COL5A2: variants seen among roughly 807,000 people sequenced by gnomAD.
The protein encoded by COL5A2 is collagen type V alpha 2 chain, also known as collagen alpha-2(V) chain.
Under a neutral mutation model 208.2 loss-of-function variants are expected in COL5A2, and 23 were observed. That is an observed-to-expected ratio of 0.11 (90% confidence interval 0.08 to 0.16). COL5A2 has a LOEUF of 0.16. COL5A2 is among the 10% of genes least tolerant of loss of function. The pLI is 1.00. For synonymous variants in COL5A2, 625 were observed against 628.5 expected (o/e 0.99, Z 0.08); for missense variants, 1,590 against 1,956.4 (o/e 0.81, Z 3.53).
At chr2:189,136,856 G>A (rs1160020328) in intron 1 of COL5A2, among the ~76,000 whole-genome samples, 1 of 152,014 alleles carries the variant, frequency 6.6e-6, no homozygotes, top group Non-Finnish European at 1.5e-5. Flanking sequence ...GGTTCAGTTA[G>A]TAAAACATGG....
At chr2:189,147,315 A>T (rs1341297008) in intron 1 of COL5A2, among the ~76,000 whole-genome samples, 2 of 152,146 alleles carry the variant, frequency 1.3e-5, no homozygotes, top group Non-Finnish European at 2.9e-5. Flanking sequence ...AAGACATATG[A>T]CCTACCAGTA....
At chr2:189,325,593 T>C in the COL5A2 span, among the ~76,000 whole-genome samples, 1 of 152,092 alleles carries the variant, frequency 6.6e-6, no homozygotes, top group Non-Finnish European at 1.5e-5. Flanking sequence ...GTGTGTGTAA[T>C]CTGCAGTGAT....
intron 1 of COL5A2, among the ~76,000 whole-genome samples, chr2:189,152,187 T>C (rs2105788709): frequency 6.6e-6 from 1 of 152,298 alleles, no homozygotes; most frequent in African/African-American, 2.4e-5. Flanking sequence ...TTTACATTTT[T>C]TAGATATGGA....
intron 35 of COL5A2, among the ~76,000 whole-genome samples, chr2:189,055,524 G>A (rs936624793): frequency 3.3e-5 from 5 of 152,106 alleles, no homozygotes; most frequent in Admixed American, 2.0e-4. Flanking sequence ...AAGAACATAA[G>A]AAATCTGTGT....
the COL5A2 span, among the ~76,000 whole-genome samples, chr2:189,392,411 A>G: frequency 5.3e-5 from 8 of 152,190 alleles, no homozygotes; most frequent in African/African-American, 1.9e-4. Flanking sequence ...CTAGTCTTTC[A>G]CAATCATATC....
chr2:189,410,210 G>A, the COL5A2 span, among the ~76,000 whole-genome samples: 3 of 151,982 alleles, frequency 2.0e-5, no homozygotes, highest in Non-Finnish European at 4.4e-5. Context: ...ACTTTGAGAG[G>A]AAAATATTGT....
chr2:189,419,669 G>A, the COL5A2 span, among the ~76,000 whole-genome samples: 15 of 151,706 alleles, frequency 9.9e-5, no homozygotes, highest in East Asian at 5.8e-4. Context: ...GGTGGCACAC[G>A]TCTATAGTCC....
At chr2:189,299,271 T>A in the COL5A2 span, among the ~76,000 whole-genome samples, 3 of 152,056 alleles carry the variant, frequency 2.0e-5, no homozygotes, top group Non-Finnish European at 4.4e-5. Context: ...CCATTGACTT[T>A]AAAAAAAACA....
At chr2:189,159,744 G>C (rs557730267) in intron 1 of COL5A2, among the ~76,000 whole-genome samples, 18 of 151,888 alleles carry the variant, frequency 1.2e-4, no homozygotes, top group African/African-American at 4.3e-4. Flanking sequence ...GGCCAGGCAC[G>C]GTGGCTCATG....
the COL5A2 span, among the ~76,000 whole-genome samples, chr2:189,313,320 C>T: frequency 1.3e-5 from 2 of 152,210 alleles, no homozygotes; most frequent in South Asian, 4.2e-4. Flanking sequence ...CGTTCCCAAC[C>T]TAGCTAGACA....
the COL5A2 span, among the ~76,000 whole-genome samples, chr2:189,337,870 C>T: frequency 6.6e-6 from 1 of 151,498 alleles, no homozygotes; most frequent in South Asian, 2.1e-4. Context: ...CATTTTATGA[C>T]TCACAGATAT....
chr2:189,435,937 A>G, the COL5A2 span, among the ~76,000 whole-genome samples: 2 of 152,242 alleles, frequency 1.3e-5, no homozygotes, highest in Non-Finnish European at 2.9e-5. Flanking sequence ...CCAAATGTCC[A>G]TCAGTGATAG....
chr2:189,266,525 A>G, the COL5A2 span, among the ~76,000 whole-genome samples: 2 of 152,168 alleles, frequency 1.3e-5, no homozygotes, highest in South Asian at 2.1e-4. Context: ...ATAAAAGGCC[A>G]TGTATTTTAT....
the COL5A2 span, among the ~76,000 whole-genome samples, chr2:189,377,464 A>G: frequency 1.3e-5 from 2 of 152,346 alleles, no homozygotes; most frequent in South Asian, 4.1e-4. Flanking sequence ...ACAGGAATTC[A>G]TGGTGCTTTC....
chr2:189,126,853 G>A (rs1261880491), intron 1 of COL5A2, among the ~76,000 whole-genome samples: 4 of 152,074 alleles, frequency 2.6e-5, no homozygotes, highest in East Asian at 3.8e-4. Context: ...AGAGACAATA[G>A]TTTTCCACCC....
chr2:189,098,939 A>G (rs1686977415), intron 4 of COL5A2, among the ~76,000 whole-genome samples, 180 bp from the exon 5 acceptor site: 1 of 152,202 alleles, frequency 6.6e-6, no homozygotes, highest in Admixed American at 6.5e-5. Flanking sequence ...GTTTTAACTA[A>G]TATAGGGAGG....
the COL5A2 span, among the ~76,000 whole-genome samples, chr2:189,341,001 G>A: frequency 6.6e-5 from 10 of 151,962 alleles, no homozygotes; most frequent in African/African-American, 2.2e-4. Flanking sequence ...TACAATATAC[G>A]AGCACTCTAC....
intron 1 of COL5A2, among the ~76,000 whole-genome samples, chr2:189,224,532 T>C (rs1173231982): frequency 6.6e-6 from 1 of 151,714 alleles, no homozygotes; most frequent in Non-Finnish European, 1.5e-5. Context: ...CTACTAAAAA[T>C]ACAAAAATTA....
At chr2:189,187,535 G>T (rs184003450) in intron 1 of COL5A2, among the ~76,000 whole-genome samples, 11 of 152,266 alleles carry the variant, frequency 7.2e-5, no homozygotes, top group African/African-American at 1.2e-4. Flanking sequence ...GGTAATTGTT[G>T]TAAGTATTAA....
Sources: allele counts gnomAD v4.1 joint callset (sites outside exome capture counted in the v4.1 genomes callset), GRCh38; gene constraint gnomAD v4.1.1; transcripts MANE v1.5; gene names NCBI Gene and HGNC (gene_info 2026-07-23, HGNC 2026-07-21).